The following PRKG1 variants were observed in gnomAD, a reference collection of about 807,000 sequenced individuals.
PRKG1 encodes cGMP-dependent protein kinase 1.
PRKG1 carries 35 observed loss-of-function variants against 88.1 expected under a neutral mutation model. The observed-to-expected ratio is 0.40, with a 90% CI of 0.30 to 0.53. PRKG1 has a LOEUF of 0.53. PRKG1 is among the 20% of genes least tolerant of loss of function. The pLI, the probability that PRKG1 is intolerant of heterozygous loss-of-function variation, is 0.59. For synonymous variants in PRKG1, 303 were observed against 292.5 expected, an observed-to-expected ratio of 1.04 and a Z score of -0.37; for missense variants, 540 against 839.8, an observed-to-expected ratio of 0.64 and a Z score of 4.41.
At chr10:52,287,121 G>C (rs189328688) in intron 14 of PRKG1, among the ~76,000 whole-genome samples, 37 of 151,798 alleles carry the variant, frequency 2.4e-4, no homozygotes, top group Admixed American at 6.6e-4. Context: ...AAATATAAAA[G>C]CAAAACTATA....
chr10:51,000,090 T>C (rs762502049), intron 1 of PRKG1, among the ~76,000 whole-genome samples: 6 of 152,170 alleles, frequency 3.9e-5, no homozygotes, highest in African/African-American at 7.2e-5. Context: ...AAATACTCAA[T>C]CCAATATCCT....
intron 7 of PRKG1, chr10:52,128,137 C>T: frequency 1.0e-6 from 1 of 985,360 alleles, no homozygotes; most frequent in Non-Finnish European, 1.2e-6. Flanking sequence ...GGACATTAAA[C>T]TGCTGCACAT....
intron 3 of PRKG1, among the ~76,000 whole-genome samples, chr10:51,795,840 T>C (rs1037220079): frequency 2.2e-4 from 34 of 152,152 alleles, no homozygotes; most frequent in Non-Finnish European, 8.8e-5. Flanking sequence ...CCTCAATTTC[T>C]GGTCTATTTA....
At chr10:51,743,704 TAAACTA>T (rs1215028846) in intron 3 of PRKG1, among the ~76,000 whole-genome samples, 1 of 114,972 alleles carries the variant, frequency 8.7e-6, no homozygotes, top group Non-Finnish European at 1.7e-5. Flanking sequence ...ATATATAATA[TAAACTA>T]AATATATATA....
At chr10:51,172,405 T>C (rs1183106508) in intron 2 of PRKG1, among the ~76,000 whole-genome samples, 3 of 152,072 alleles carry the variant, frequency 2.0e-5, no homozygotes, top group Admixed American at 1.3e-4. Context: ...AAACAAATTG[T>C]TAAGACAATA....
chr10:51,220,560 A>T (rs1838502209), intron 2 of PRKG1, among the ~76,000 whole-genome samples: 2 of 152,234 alleles, frequency 1.3e-5, no homozygotes. Context: ...CACCAGTATT[A>T]GTGACAGCAA....
intron 7 of PRKG1, among the ~76,000 whole-genome samples, chr10:52,111,090 A>G (rs1185243557): frequency 6.6e-6 from 1 of 152,224 alleles, no homozygotes; most frequent in Non-Finnish European, 1.5e-5. Context: ...ATCTAGGCAC[A>G]ATGAGATCAA....
chr10:51,906,471 T>C (rs1285958481), intron 4 of PRKG1, among the ~76,000 whole-genome samples: 1 of 152,108 alleles, frequency 6.6e-6, no homozygotes, highest in Non-Finnish European at 1.5e-5. Context: ...ATAAGGTATA[T>C]ATTGGTTTGG....
chr10:51,407,044 T>G (rs1427228869), intron 2 of PRKG1, among the ~76,000 whole-genome samples: 1 of 152,186 alleles, frequency 6.6e-6, no homozygotes, highest in African/African-American at 2.4e-5. Context: ...TTCATGTTTT[T>G]CTGCCTGCTT....
chr10:51,767,066 A>C (rs541195046), intron 3 of PRKG1, among the ~76,000 whole-genome samples: 1 of 151,198 alleles, frequency 6.6e-6, no homozygotes, highest in Admixed American at 6.6e-5. Flanking sequence ...AGTCCTTTTT[A>C]CTGGGAGTAA....
intron 4 of PRKG1, among the ~76,000 whole-genome samples, chr10:51,890,715 G>A (rs1368860377): frequency 6.6e-6 from 1 of 152,158 alleles, no homozygotes; most frequent in East Asian, 1.9e-4. Context: ...TGTCACTTTG[G>A]GAGGTCAAGG....
In PRKG1 at chr10:51,057,609, AT is replaced by A. The variant is rs1843642137; in HGVS notation, c.266+65971del. 2.0e-5 allele frequency among the ~76,000 whole-genome samples: 3 copies of A among 151,690 alleles called. No homozygotes were observed. In the South Asian group the frequency reaches 6.2e-4, roughly 32 times the overall value. The stretch of plus-strand genomic sequence containing the variant: ...AAGGTAACTATTATCTTCACCATTA[AT>A]TTTTTGCCCATGTGATATATATTCA... On this transcript the variant is annotated intron_variant, in intron 1 of 17. Transcript: ENST00000401604.
At chr10:51,887,391 C>G (rs996831072) in intron 4 of PRKG1, among the ~76,000 whole-genome samples, 1 of 152,170 alleles carries the variant, frequency 6.6e-6, no homozygotes, top group African/African-American at 2.4e-5. Flanking sequence ...GTGCAGATAT[C>G]TTTTCAAGAT....
chr10:51,458,903 T>C (rs529585444), intron 2 of PRKG1, among the ~76,000 whole-genome samples: 1 of 152,220 alleles, frequency 6.6e-6, no homozygotes, highest in East Asian at 1.9e-4. Flanking sequence ...TGAGTATTCA[T>C]GGACTTTGAT....
At chr10:51,351,030 C>G (rs922945539) in intron 2 of PRKG1, among the ~76,000 whole-genome samples, 4 of 151,928 alleles carry the variant, frequency 2.6e-5, no homozygotes, top group African/African-American at 9.7e-5. Context: ...GTTTTCTGTT[C>G]CAGTTTGCTG....
At position 52,294,146 on chromosome 10, in the gene PRKG1, C is replaced by A. The variant is rs1049863519; in HGVS notation, c.*246C>A. Reference sequence around the variant, plus strand: ...GGTGGTCCTGAAGCAAAGCCTTTCACCAGTAAAAGATGTTTTCTATTGTTG... The same window carrying A: ...GGTGGTCCTGAAGCAAAGCCTTTCAACAGTAAAAGATGTTTTCTATTGTTG... On this transcript the variant is annotated 3_prime_UTR_variant, in exon 18 of 18. Coordinates refer to ENST00000373980, the MANE Select transcript of PRKG1 (RefSeq NM_006258.4). The A allele has an allele frequency of 2.7e-6, 1 of 373,742 alleles. No homozygotes were observed. 23.2% of individuals were successfully genotyped at this position (373,742 alleles called of 1,614,324 possible).
At chr10:51,311,001 G>T (rs1188781237) in intron 2 of PRKG1, among the ~76,000 whole-genome samples, 2 of 152,072 alleles carry the variant, frequency 1.3e-5, no homozygotes, top group African/African-American at 4.8e-5. Context: ...TTTCCAGCCT[G>T]TGCAGATCTC....
At chr10:52,284,473 G>C (rs1225063923) in intron 14 of PRKG1, among the ~76,000 whole-genome samples, 1 of 150,692 alleles carries the variant, frequency 6.6e-6, no homozygotes, top group African/African-American at 2.4e-5. Context: ...AGATGATGGT[G>C]GTGGTAAGAG....
chr10:51,658,163 T>C (rs906708078), intron 3 of PRKG1, among the ~76,000 whole-genome samples: 5 of 152,134 alleles, frequency 3.3e-5, no homozygotes, highest in Admixed American at 6.6e-5. Flanking sequence ...CAGTGAATTA[T>C]ATTCAACTGT....
Sources: allele counts gnomAD v4.1 joint callset (sites outside exome capture counted in the v4.1 genomes callset), GRCh38; gene constraint gnomAD v4.1.1; transcripts MANE v1.5; gene names NCBI Gene and HGNC (gene_info 2026-07-23, HGNC 2026-07-21).